Variants in HIVEP1 observed in about 807,000 individuals in gnomAD.
The protein encoded by HIVEP1 is HIVEP zinc finger 1, also known as zinc finger protein 40.
Under a neutral mutation model 180.0 loss-of-function variants are expected in HIVEP1, and 36 were observed. The observed-to-expected ratio is 0.20, with a 90% CI of 0.15 to 0.26. The LOEUF is 0.26. HIVEP1 is among the 10% of genes least tolerant of loss of function. The pLI is 1.00. For synonymous variants in HIVEP1, 1,239 were observed against 1,239.0 expected (o/e 1.00, Z 0.00); for missense variants, 3,143 against 3,268.7 (o/e 0.96, Z 0.94).
At chr6:12,011,616 C>T (rs1251068086), upstream of HIVEP1, among the ~76,000 whole-genome samples, 1 of 150,038 alleles carries the variant, frequency 6.7e-6, no homozygotes, top group Non-Finnish European at 1.5e-5. Flanking sequence ...GTCCCCCTCC[C>T]GTCCCTGCGG....
At chr6:12,147,098 A>G (rs1759419325) in intron 7 of HIVEP1, among the ~76,000 whole-genome samples, 1 of 152,144 alleles carries the variant, frequency 6.6e-6, no homozygotes, top group African/African-American at 2.4e-5. Flanking sequence ...TGTGAATGGG[A>G]CAGAAAAACA....
At chr6:12,140,271 C>T (rs533477598) in intron 7 of HIVEP1, among the ~76,000 whole-genome samples, 9 of 152,266 alleles carry the variant, frequency 5.9e-5, no homozygotes, top group African/African-American at 2.2e-4. Flanking sequence ...GCTGAGGGAC[C>T]TGACTGTTAG....
chr6:12,173,867 G>A, the HIVEP1 span, among the ~76,000 whole-genome samples: 1 of 152,160 alleles, frequency 6.6e-6, no homozygotes, highest in African/African-American at 2.4e-5. Flanking sequence ...ATCAGTCATG[G>A]AAAGAAAAGC....
chr6:12,074,329 A>C (rs888752661), intron 2 of HIVEP1, among the ~76,000 whole-genome samples: 2 of 152,218 alleles, frequency 1.3e-5, no homozygotes, highest in Non-Finnish European at 2.9e-5. Context: ...GAAATTAAGA[A>C]AAGGAAAGAT....
chr6:12,078,731 C>G (rs930575781), intron 2 of HIVEP1, among the ~76,000 whole-genome samples: 1 of 151,040 alleles, frequency 6.6e-6, no homozygotes, highest in Non-Finnish European at 1.5e-5. Flanking sequence ...TATATATATA[C>G]TTTTAACATT....
intron 2 of HIVEP1, among the ~76,000 whole-genome samples, chr6:12,035,819 G>A (rs994301620): frequency 7.2e-5 from 11 of 152,100 alleles, no homozygotes; most frequent in African/African-American, 2.7e-4. Context: ...TTTCATTCTA[G>A]GGCTTAGAGA....
In HIVEP1 at chr6:12,061,545, A is replaced by G. The variant is rs547168448; in HGVS notation, c.41-27639A>G. Among the ~76,000 whole-genome samples the G allele has an allele frequency of 2.0e-5, 3 of 152,252 alleles. No individual in the cohort carries two copies. In the Middle Eastern group the frequency reaches 0.01, roughly 518 times the overall value. ...AGATTTTTTTCTGCATAAAATGTAG[A>G]AGAAAATCACTTGCATGTTTTGTAG... On this transcript the variant is annotated intron_variant, in intron 2 of 8. Coordinates refer to ENST00000379388, the MANE Select transcript of HIVEP1 (RefSeq NM_002114.4).
the HIVEP1 span, among the ~76,000 whole-genome samples, chr6:12,189,250 T>C: frequency 1.8e-4 from 28 of 152,114 alleles, no homozygotes; most frequent in Middle Eastern, 3.4e-3. Context: ...AAAGACTGGA[T>C]AATTATTTTT....
intron 2 of HIVEP1, among the ~76,000 whole-genome samples, chr6:12,036,846 T>C (rs1003575982): frequency 2.0e-5 from 3 of 152,250 alleles, no homozygotes; most frequent in African/African-American, 7.2e-5. Flanking sequence ...AGGCGGAGGC[T>C]GCAGTGAGCT....
intron 3 of HIVEP1, among the ~76,000 whole-genome samples, chr6:12,100,908 G>GA (rs1204386344): frequency 6.6e-6 from 1 of 152,026 alleles, no homozygotes; most frequent in Non-Finnish European, 1.5e-5. Flanking sequence ...TCCAAAAGCT[G>GA]AAAAAAACAT....
At chr6:12,068,707 A>G (rs189808571) in intron 2 of HIVEP1, among the ~76,000 whole-genome samples, 10 of 152,320 alleles carry the variant, frequency 6.6e-5, no homozygotes, top group African/African-American at 2.2e-4. Context: ...GCAGGCACTT[A>G]TATACTTTCA....
At chr6:12,146,064 C>CT (rs1184644562) in intron 7 of HIVEP1, among the ~76,000 whole-genome samples, 1 of 152,044 alleles carries the variant, frequency 6.6e-6, no homozygotes, top group Non-Finnish European at 1.5e-5. Context: ...TGGGGTAAAC[C>CT]TTTTTTTAAA....
the HIVEP1 span, among the ~76,000 whole-genome samples, chr6:12,176,682 G>GC: frequency 6.6e-6 from 1 of 151,038 alleles, no homozygotes; most frequent in Non-Finnish European, 1.5e-5. Context: ...ACAAAGCATT[G>GC]TTTTTTTTTC....
the HIVEP1 span, among the ~76,000 whole-genome samples, chr6:12,180,603 C>T: frequency 2.6e-5 from 4 of 152,200 alleles, no homozygotes; most frequent in East Asian, 7.7e-4. Context: ...GAAAGATATT[C>T]GGTGTTTCCT....
intron 2 of HIVEP1, among the ~76,000 whole-genome samples, chr6:12,024,787 C>A (rs371468801): frequency 1.2e-4 from 19 of 152,176 alleles, no homozygotes; most frequent in Non-Finnish European, 2.4e-4. Flanking sequence ...GGTTAAGCCA[C>A]GCCAGGAGTG....
chr6:12,121,523 C>A lies in HIVEP1; in HGVS notation c.1728C>A (p.Asp576Glu). ...HHVTVSPLRT[D>E]SPKAMDPKPE... is the part of the protein sequence containing the mutation. ...TCACTGTGTCCCCCTTAAGAACTGA[C>A]AGTCCAAAGGCCATGGATCCCAAGC... The change falls in exon 4 of 9, where the codon GAC (aspartate) becomes GAA (glutamate). Residue 576 changes from aspartate (D) to glutamate (E), a missense_variant. Asp to Glu is a conservative substitution (Grantham distance 45). Around this residue, in one of 12 missense-constraint regions of HIVEP1, gnomAD observed 365 missense variants for 344.4 expected, o/e 1.06. Coordinates refer to ENST00000379388, the MANE Select transcript of HIVEP1 (RefSeq NM_002114.4). The surrounding 1 kb of genome is among the most constrained non-coding windows in gnomAD (Gnocchi z 5.3). The A allele has an allele frequency of 6.2e-7, 1 of 1,614,168 alleles. No homozygotes were observed.
rs1483954407 is a variant in HIVEP1 at position 12,120,184 on chromosome 6, C to G, written c.389C>G (p.Ser130Cys). 2 of 1,614,054 alleles carry G rather than the reference C, an allele frequency of 1.2e-6. No individual in the cohort carries two copies. The highest frequency in any genetic ancestry group is 2.7e-5 in the African/African-American group (2 of 74,918). Reference protein sequence around the residue: ...AEASKSEESVSPKKPLFLQQP... With the variant: ...AEASKSEESVCPKKPLFLQQP... ...GCCTCAAAATCTGAAGAATCTGTCTCCCCAAAGAAGCCCTTGTTTCTGCAG... is the reference window on the plus strand; with the variant it reads ...GCCTCAAAATCTGAAGAATCTGTCTGCCCAAAGAAGCCCTTGTTTCTGCAG... The change falls in exon 4 of 9, where the codon TCC becomes TGC. Residue 130 changes from serine (S) to cysteine (C), a missense_variant. Around this residue, in one of 12 missense-constraint regions of HIVEP1, gnomAD observed 2 missense variants for 17.4 expected, o/e 0.12. Coordinates refer to ENST00000379388, the MANE Select transcript of HIVEP1 (RefSeq NM_002114.4).
chr6:12,131,193 A>T (rs572682414), intron 6 of HIVEP1, among the ~76,000 whole-genome samples: 1 of 151,964 alleles, frequency 6.6e-6, no homozygotes, highest in East Asian at 1.9e-4. Flanking sequence ...GCCCTTTTTA[A>T]AAAACTTAAC....
At chr6:12,147,421 A>G (rs962975287) in intron 7 of HIVEP1, among the ~76,000 whole-genome samples, 1 of 152,188 alleles carries the variant, frequency 6.6e-6, no homozygotes, top group Admixed American at 6.5e-5. Flanking sequence ...GACCACATAT[A>G]TCTGACTTTT....
Sources: gnomAD v4.1 joint callset for allele counts (sites outside exome capture counted in the v4.1 genomes callset) on GRCh38, gnomAD v4.1.1 for gene constraint, gnomAD v4.1.1 regional missense constraint, Gnocchi (gnomAD v3.1) non-coding constraint, MANE v1.5 for transcripts, NCBI Gene and HGNC (gene_info 2026-07-23, HGNC 2026-07-21) for gene names.